ATG7: variants seen among roughly 807,000 people sequenced by gnomAD.
ATG7 encodes the protein autophagy related 7.
ATG7 carries 70 observed loss-of-function variants against 82.4 expected under a neutral mutation model. The ratio of observed to expected loss-of-function variants is 0.85; its 90% CI spans 0.70 to 1.04. The LOEUF (loss-of-function observed/expected upper bound fraction) is 1.04, where lower values mean the gene tolerates loss of function less well. Ranked by LOEUF, ATG7 falls within the 50% of genes least tolerant of loss-of-function variation. The pLI is 0.00. For missense variants in ATG7, 792 were observed against 864.3 expected (o/e 0.92, Z 1.05); for synonymous variants, 287 against 313.0 (o/e 0.92, Z 0.88).
rs564191546 is a variant in ATG7, at chr3:11,317,031, G to A, written c.678+1538G>A. 8.6e-5 allele frequency among the ~76,000 whole-genome samples: 13 copies of A among 152,028 alleles called. No individual in the cohort carries two copies. In the East Asian group the frequency reaches 2.1e-3, roughly 25 times the overall value. ...TTTTTGTTGTATTTTTATTAGAGAT[G>A]GGGTTTCACCGTGTTAGCCAGGATG... On this transcript the variant is annotated intron_variant, in intron 9 of 20. Transcript: ENST00000693202.
At chr3:11,360,876 A>C in intron 16 of ATG7, 92 bp downstream of exon 16, 1 of 1,318,516 alleles carries the variant, frequency 7.6e-7, no homozygotes. Flanking sequence ...ATGACTATTT[A>C]AATATTATCT....
Position 11,549,204 on chromosome 3 carries a change from A to ATAAATGAAATATGAAGTATGATGTCTTC in ATG7, c.2080-5605_2080-5578dup, listed in dbSNP as rs1575290884. ...GGTTTTTGCCCTTGTAGGATTTCAT[A>ATAAATGAAATATGAAGTATGATGTCTTC]TAAATGAAATATGAAGTATGATGTC... On this transcript the variant is annotated intron_variant, in intron 20 of 20. Coordinates refer to ENST00000693202, the MANE Select transcript of ATG7 (RefSeq NM_001349232.2). Among the ~76,000 whole-genome samples, 4 of 152,302 alleles carry ATAAATGAAATATGAAGTATGATGTCTTC rather than the reference A, an allele frequency of 2.6e-5. No individual in the cohort carries two copies. In the East Asian group the frequency reaches 7.7e-4, roughly 29 times the overall value.
intron 19 of ATG7, among the ~76,000 whole-genome samples, chr3:11,414,124 G>A (rs1444916500): frequency 1.3e-5 from 2 of 152,136 alleles, no homozygotes; most frequent in Non-Finnish European, 2.9e-5. Context: ...AGGCTGGAGT[G>A]CCATCTTGGC....
intron 18 of ATG7, among the ~76,000 whole-genome samples, chr3:11,374,164 G>A (rs1046431114): frequency 1.3e-5 from 2 of 152,146 alleles, no homozygotes; most frequent in East Asian, 1.9e-4. Flanking sequence ...GATCCTGGAC[G>A]TGAAGAACAA....
downstream of ATG7, chr3:11,558,353 C>T (rs2072627560): frequency 2.6e-6 from 2 of 780,282 alleles, no homozygotes; most frequent in Middle Eastern, 3.8e-4. Context: ...GTAGTTCCTG[C>T]TATCATGTTT....
chr3:11,505,792 G>A (rs770459591), intron 20 of ATG7, among the ~76,000 whole-genome samples: 4 of 152,210 alleles, frequency 2.6e-5, no homozygotes, highest in South Asian at 2.1e-4. Context: ...AGTAGGCTCC[G>A]TGGCTTAAGT....
intron 19 of ATG7, among the ~76,000 whole-genome samples, chr3:11,389,697 G>A (rs2078629346): frequency 6.6e-6 from 1 of 152,184 alleles, no homozygotes; most frequent in Non-Finnish European, 1.5e-5. Context: ...ATTCAGCAGA[G>A]TCTTGAGTAA....
intron 3 of ATG7, among the ~76,000 whole-genome samples, chr3:11,284,712 A>G (rs983769121): frequency 5.3e-5 from 8 of 151,694 alleles, no homozygotes; most frequent in Admixed American, 6.6e-5. Context: ...CCACCACTCC[A>G]TAATAATTTT....
intron 20 of ATG7, among the ~76,000 whole-genome samples, chr3:11,463,043 G>A (rs1328941520): frequency 6.6e-6 from 1 of 151,952 alleles, no homozygotes; most frequent in Non-Finnish European, 1.5e-5. Flanking sequence ...GTGCAATCAT[G>A]CCCAGCTAAT....
rs1248545325 is a variant in ATG7 at position 11,358,411 on chromosome 3, T to C, written c.1285-7T>C. The C allele has an allele frequency of 4.3e-6, 7 of 1,609,732 alleles. No individual in the cohort carries two copies. Among genetic ancestry groups the C allele is most frequent in the African/African-American group, 1.3e-5 (1 of 74,640 alleles). ...CCAGACATAACTACGTCCTGGTGTT[T>C]CCCTAGAATGCCAGAGGATTCAACA... is the stretch of plus-strand genomic sequence containing the variant. On this transcript the variant is annotated splice_polypyrimidine_tract_variant and splice_region_variant and intron_variant, in intron 14 of 20. Coordinates refer to ENST00000693202, the MANE Select transcript of ATG7 (RefSeq NM_001349232.2).
intron 19 of ATG7, among the ~76,000 whole-genome samples, chr3:11,413,011 C>T (rs374350824): frequency 1.3e-5 from 2 of 151,952 alleles, no homozygotes; most frequent in South Asian, 4.1e-4. Flanking sequence ...TGCATAGAAA[C>T]GTAACTGGTT....
the ATG7 span, among the ~76,000 whole-genome samples, chr3:11,566,815 C>T: frequency 8.9e-4 from 135 of 152,314 alleles, no homozygotes; most frequent in African/African-American, 3.0e-3. Context: ...TCCTCACACA[C>T]GGCAGCCTCT....
intron 20 of ATG7, among the ~76,000 whole-genome samples, chr3:11,525,305 A>G (rs1184636325): frequency 6.6e-6 from 1 of 151,486 alleles, no homozygotes; most frequent in Non-Finnish European, 1.5e-5. Context: ...TGCTAGGATT[A>G]TAGGTATGAG....
At position 11,362,842 on chromosome 3, in the gene ATG7, G is replaced by A; in HGVS notation, c.1713G>A (p.Gln571=). Residue 571 remains glutamine, a synonymous_variant, in exon 17 of 21, where the codon CAG becomes CAA. Coordinates refer to ENST00000693202, the MANE Select transcript of ATG7 (RefSeq NM_001349232.2). ...CCAGAGACCGGACCTTGGACCAGCA[G>A]TGCACTGTGAGTCGTCCAGGACTGG... ...DSTRDRTLDQ[Q]CTVSRPGLAV... 6.2e-7 allele frequency: 1 copy of A among 1,614,086 alleles called. No individual in the cohort carries two copies. Among genetic ancestry groups the A allele is most frequent in the Non-Finnish European group, 8.5e-7 (1 of 1,179,960 alleles).
intron 1 of ATG7, among the ~76,000 whole-genome samples, chr3:11,280,555 G>T (rs1329492078): frequency 1.3e-5 from 2 of 152,106 alleles, no homozygotes; most frequent in Admixed American, 6.5e-5. Flanking sequence ...TAGATTTAGG[G>T]CCCTAGATTT....
Position 11,554,797 on chromosome 3 carries a change from C to T in ATG7, c.2080-14C>T. The T allele has an allele frequency of 1.2e-6, 2 of 1,613,278 alleles. No individual in the cohort carries two copies. Among genetic ancestry groups the T allele is most frequent in the Middle Eastern group, 1.7e-4 (1 of 6,050 alleles). ...TGGGACATCTCGGCTGAGCCTCTCC[C>T]CTTCTCCATGCAGATCTGGGACATG... On this transcript the variant is annotated splice_polypyrimidine_tract_variant and intron_variant, in intron 20 of 20. Transcript: ENST00000693202.
chr3:11,510,713 GTTTTC>G (rs1446118720), intron 20 of ATG7, among the ~76,000 whole-genome samples: 1 of 152,202 alleles, frequency 6.6e-6, no homozygotes, highest in Non-Finnish European at 1.5e-5. Context: ...AATGGATTCT[GTTTTC>G]TTTTTCACCT....
chr3:11,514,507 G>C (rs75017044), intron 20 of ATG7, among the ~76,000 whole-genome samples: 1 of 152,122 alleles, frequency 6.6e-6, no homozygotes, highest in Non-Finnish European at 1.5e-5. Context: ...AGGAAATACC[G>C]CCCAGTCTTT....
At chr3:11,511,769 A>T (rs1487006282) in intron 20 of ATG7, among the ~76,000 whole-genome samples, 1 of 152,150 alleles carries the variant, frequency 6.6e-6, no homozygotes, top group African/African-American at 2.4e-5. Flanking sequence ...CCCAGCGAGA[A>T]ATCGAGCACA....
Sources: gnomAD v4.1 joint callset for allele counts (sites outside exome capture counted in the v4.1 genomes callset) on GRCh38, gnomAD v4.1.1 for gene constraint, MANE v1.5 for transcripts, NCBI Gene and HGNC (gene_info 2026-07-23, HGNC 2026-07-21) for gene names.